Variants in ESRRG observed in about 807,000 individuals in gnomAD.
ESRRG encodes the protein estrogen related receptor gamma, also known as estrogen-related receptor gamma.
Under a neutral mutation model 44.0 loss-of-function variants are expected in ESRRG, and 13 were observed. The observed-to-expected ratio is 0.30, with a 90% confidence interval of 0.19 to 0.47. The LOEUF is 0.47. Among genes scored for constraint, ESRRG ranks in the 20% least tolerant of loss-of-function variants. The probability of loss-of-function intolerance (pLI) is 1.00; values close to 1 mark genes in which losing one functional copy is unlikely to be tolerated. For missense variants in ESRRG, 395 were observed against 580.6 expected (o/e 0.68, Z 3.29); for synonymous variants, 215 against 214.6 (o/e 1.00, Z -0.02).
intron 2 of ESRRG, among the ~76,000 whole-genome samples, chr1:216,653,002 T>C (rs1471744522): frequency 6.6e-6 from 1 of 152,084 alleles, no homozygotes; most frequent in Non-Finnish European, 1.5e-5. Flanking sequence ...CCAAACAGCA[T>C]TCTTTTCCTT....
At chr1:216,955,545 T>G (rs990074220) in intron 1 of ESRRG, among the ~76,000 whole-genome samples, 1 of 152,138 alleles carries the variant, frequency 6.6e-6, no homozygotes, top group Non-Finnish European at 1.5e-5. Context: ...TCCTTTCTAT[T>G]GGATAAATAC....
intron 1 of ESRRG, among the ~76,000 whole-genome samples, chr1:217,128,335 T>G: frequency 6.6e-6 from 1 of 152,260 alleles, no homozygotes; most frequent in Non-Finnish European, 1.5e-5. Context: ...TCCTTACTCT[T>G]TTATTAAGTT....
intron 2 of ESRRG, among the ~76,000 whole-genome samples, chr1:216,918,492 C>T (rs1486086373): frequency 6.6e-6 from 1 of 152,134 alleles, no homozygotes; most frequent in Non-Finnish European, 1.5e-5. Context: ...CTAGATAGTG[C>T]AAGCTTCTCT....
intron 2 of ESRRG, among the ~76,000 whole-genome samples, chr1:216,796,149 G>C (rs572702089): frequency 6.6e-6 from 1 of 152,256 alleles, no homozygotes; most frequent in South Asian, 2.1e-4. Context: ...AAATTAGCTA[G>C]AGAAGTTCTG....
intron 1 of ESRRG, among the ~76,000 whole-genome samples, chr1:216,985,495 C>G (rs538115719): frequency 3.4e-4 from 52 of 152,278 alleles, no homozygotes; most frequent in Non-Finnish European, 6.3e-4. Flanking sequence ...TCTCCCTGTG[C>G]TGGACTAATC....
chr1:216,826,911 T>C (rs1191203747), intron 2 of ESRRG, among the ~76,000 whole-genome samples: 1 of 152,168 alleles, frequency 6.6e-6, no homozygotes. Context: ...TGACCTTCAG[T>C]ATCTACAATT....
rs567409201 is a variant in ESRRG, at chr1:216,950,200, A to G, written c.-105-10527T>C. On this transcript the variant is annotated intron_variant, in intron 1 of 7. Coordinates refer to the ESRRG transcript ENST00000359162. ...GAATGTGCTTCATTTACTATTATCT[A>G]GAGAGCAACGTGGTTTCTGGCCCAT... 4.6e-5 allele frequency among the ~76,000 whole-genome samples: 7 copies of G among 152,346 alleles called. No individual in the cohort carries two copies. The South Asian group carries it at 1.4e-3, about 32-fold the overall frequency.
At chr1:217,116,753 C>T (rs896222401) in intron 1 of ESRRG, among the ~76,000 whole-genome samples, 3 of 152,196 alleles carry the variant, frequency 2.0e-5, no homozygotes, top group Non-Finnish European at 4.4e-5. Context: ...TTTCCCTCCT[C>T]TTTGAATACC....
chr1:216,728,511 G>T (rs2152112501), intron 2 of ESRRG, among the ~76,000 whole-genome samples: 1 of 152,010 alleles, frequency 6.6e-6, no homozygotes, highest in East Asian at 1.9e-4. Context: ...AGGTGGCGGG[G>T]GCGGGTAGTG....
intron 5 of ESRRG, among the ~76,000 whole-genome samples, chr1:216,550,751 T>G (rs1558434428): frequency 6.6e-6 from 1 of 152,196 alleles, no homozygotes; most frequent in Non-Finnish European, 1.5e-5. Context: ...GAAGAATCTT[T>G]TCTTAAAGTA....
intron 2 of ESRRG, among the ~76,000 whole-genome samples, chr1:216,868,079 C>CTT (rs58738849): frequency 0.22 from 16,919 of 78,202 alleles, 2,422 homozygotes; most frequent in Non-Finnish European, 0.24. Context: ...TATATTGATC[C>CTT]TTTTTTTTTT....
intron 1 of ESRRG, among the ~76,000 whole-genome samples, chr1:217,076,613 T>A (rs920316577): frequency 6.6e-6 from 1 of 152,218 alleles, no homozygotes; most frequent in African/African-American, 2.4e-5. Context: ...TATTACCATA[T>A]GGCAGAAGTT....
intron 1 of ESRRG, among the ~76,000 whole-genome samples, chr1:217,051,539 A>G (rs2086036143): frequency 1.3e-5 from 2 of 152,176 alleles, no homozygotes; most frequent in Admixed American, 1.3e-4. Context: ...AATGATGATG[A>G]GTCAATGCAC....
chr1:216,910,328 C>A (rs889744763), intron 2 of ESRRG, among the ~76,000 whole-genome samples: 1 of 152,008 alleles, frequency 6.6e-6, no homozygotes, highest in Non-Finnish European at 1.5e-5. Context: ...AAGATCCTTA[C>A]AAACTAGAAA....
chr1:216,616,635 C>T (rs2061462625), intron 3 of ESRRG, among the ~76,000 whole-genome samples: 1 of 152,092 alleles, frequency 6.6e-6, no homozygotes, highest in African/African-American at 2.4e-5. Flanking sequence ...CTGTCTGGCT[C>T]CTGTTTCTGT....
At chr1:217,113,597 A>C (rs549302303) in intron 1 of ESRRG, among the ~76,000 whole-genome samples, 2 of 110,614 alleles carry the variant, frequency 1.8e-5, no homozygotes, top group African/African-American at 5.2e-5. Flanking sequence ...GGGGCTTGGG[A>C]GGGACCATTT....
At chr1:216,565,293 C>T (rs561068385) in intron 4 of ESRRG, among the ~76,000 whole-genome samples, 3 of 152,202 alleles carry the variant, frequency 2.0e-5, no homozygotes, top group South Asian at 2.1e-4. Flanking sequence ...CTTGTTGGCC[C>T]TATTTTCAAT....
intron 1 of ESRRG, among the ~76,000 whole-genome samples, chr1:217,007,490 C>G (rs1022677726): frequency 6.6e-6 from 1 of 152,070 alleles, no homozygotes; most frequent in Admixed American, 6.5e-5. Flanking sequence ...TTATCCTCAC[C>G]CTCAGCTCAA....
intron 2 of ESRRG, among the ~76,000 whole-genome samples, chr1:216,851,462 T>C (rs11117705): frequency 0.034 from 5,096 of 150,508 alleles, 300 homozygotes; most frequent in African/African-American, 0.11. Flanking sequence ...CTTTGGGTGG[T>C]AATTAGGTCA....
Sources: allele counts gnomAD v4.1 joint callset (sites outside exome capture counted in the v4.1 genomes callset), GRCh38; gene constraint gnomAD v4.1.1; transcripts MANE v1.5; gene names NCBI Gene and HGNC (gene_info 2026-07-23, HGNC 2026-07-21).